Variants in AFF1 observed in about 807,000 individuals in gnomAD.
The protein encoded by AFF1 is ALF transcription elongation factor 1, also known as AF4/FMR2 family member 1.
A neutral mutation model predicts 121.7 loss-of-function variants in AFF1; 48 were observed. That is an observed-to-expected ratio of 0.39 (90% CI 0.31 to 0.50). AFF1 has a LOEUF of 0.50. AFF1 is among the 20% of genes least tolerant of loss of function. The pLI is 0.76. For missense variants in AFF1, 1,523 were observed against 1,511.7 expected, an observed-to-expected ratio of 1.01 and a Z score of -0.12; for synonymous variants, 613 against 563.0, an observed-to-expected ratio of 1.09 and a Z score of -1.26.
intron 12 of AFF1, among the ~76,000 whole-genome samples, chr4:87,116,447 C>T (rs553913040): frequency 1.1e-4 from 16 of 152,232 alleles, no homozygotes; most frequent in African/African-American, 3.6e-4. Context: ...GACAAAGTCA[C>T]AAGAAGGGCC....
intron 13 of AFF1, among the ~76,000 whole-genome samples, chr4:87,125,786 G>A (rs2926512): frequency 0.18 from 27,643 of 152,202 alleles, 2,758 homozygotes; most frequent in Middle Eastern, 0.3. Context: ...GAGGGTGTGT[G>A]TCCACTCGTC....
intron 2 of AFF1, among the ~76,000 whole-genome samples, chr4:86,987,946 CAAAA>C (rs70953634): frequency 8.9e-5 from 12 of 134,866 alleles, no homozygotes; most frequent in Admixed American, 1.5e-4. Context: ...GAGTGAGACT[CAAAA>C]AAAAAAAAAA....
At chr4:86,938,187 C>T (rs933909849) in intron 1 of AFF1, among the ~76,000 whole-genome samples, 8 of 152,068 alleles carry the variant, frequency 5.3e-5, no homozygotes, top group Admixed American at 4.6e-4. Context: ...TGGTGGCTCA[C>T]GCCTGTAATC....
chr4:86,973,454 A>AT (rs1239805208), intron 2 of AFF1, among the ~76,000 whole-genome samples: 1 of 152,112 alleles, frequency 6.6e-6, no homozygotes, highest in East Asian at 1.9e-4. Context: ...TGGTCTCTTA[A>AT]TTTTTTTCCC....
At chr4:86,963,963 G>GTTTT (rs3035477) in intron 2 of AFF1, among the ~76,000 whole-genome samples, 20 of 104,356 alleles carry the variant, frequency 1.9e-4, no homozygotes, top group African/African-American at 6.1e-4. Context: ...GACTAGACTG[G>GTTTT]TTTTTTTTTT....
chr4:87,000,605 C>CTGTGTGTGTGTG (rs57615388), intron 2 of AFF1, among the ~76,000 whole-genome samples: 12,271 of 146,278 alleles, frequency 0.084, 550 homozygotes, highest in Middle Eastern at 0.11. Context: ...AAAATAAACT[C>CTGTGTGTGTGTG]TGTGTGTGTG....
intron 1 of AFF1, among the ~76,000 whole-genome samples, chr4:86,947,962 C>G (rs1488270584): frequency 5.3e-5 from 8 of 152,022 alleles, no homozygotes; most frequent in African/African-American, 1.9e-4. Context: ...ATAGTTGACA[C>G]TCTTACCTTT....
rs1186407164 is a variant in AFF1, at chr4:87,135,913, C to G, written c.*212C>G. ...CAGAAGCAGAGATGAGGAGGCTGGCCCCAGAGATGATCTTGCCCTTCCTAA... is the reference window on the plus strand; with the variant it reads ...CAGAAGCAGAGATGAGGAGGCTGGCGCCAGAGATGATCTTGCCCTTCCTAA... On this transcript the variant is annotated 3_prime_UTR_variant, in exon 21 of 21. Coordinates refer to ENST00000395146, the MANE Select transcript of AFF1 (RefSeq NM_001166693.3). 1 of 707,126 alleles carries G rather than the reference C, an allele frequency of 1.4e-6. No homozygotes were observed. Among genetic ancestry groups the G allele is most frequent in the Non-Finnish European group, 2.0e-6 (1 of 489,562 alleles). 43.8% of individuals were successfully genotyped at this position (707,126 alleles called of 1,614,324 possible). A position where few individuals can be genotyped will look rare whatever the true frequency, so the allele number is the denominator to read the frequency against.
intron 2 of AFF1, among the ~76,000 whole-genome samples, chr4:87,011,406 C>G (rs1232340965): frequency 6.6e-6 from 1 of 152,150 alleles, no homozygotes; most frequent in Non-Finnish European, 1.5e-5. Flanking sequence ...TGGTGGATCT[C>G]TTTGACTCTA....
chr4:87,110,094 G>T (rs1403016430), intron 11 of AFF1, among the ~76,000 whole-genome samples: 1 of 151,992 alleles, frequency 6.6e-6, no homozygotes, highest in South Asian at 2.1e-4. Context: ...ATATTAATGA[G>T]AATTCTTTTT....
Position 86,964,461 on chromosome 4 carries a change from G to A in AFF1, c.38+15890G>A, listed in dbSNP as rs1722391114. Among the ~76,000 whole-genome samples the A allele has an allele frequency of 2.9e-5, 4 of 139,842 alleles. No individual in the cohort carries two copies. In the South Asian group the frequency reaches 8.8e-4, roughly 31 times the overall value. The allele number at this position is 139,842 out of a possible 152,430, so 91.7% of individuals were successfully genotyped here. On this transcript the variant is annotated intron_variant, in intron 2 of 20. Coordinates refer to ENST00000395146, the MANE Select transcript of AFF1 (RefSeq NM_001166693.3). ...TTTTTTTTTTTTTTTTTGAGATGGA[G>A]TTTCACTCTTGTTGCCCAGGCTGGA... is the stretch of plus-strand genomic sequence containing the variant.
chr4:86,985,222 T>TATAAA, intron 2 of AFF1, among the ~76,000 whole-genome samples: 5 of 139,454 alleles, frequency 3.6e-5, no homozygotes, highest in African/African-American at 1.4e-4. Context: ...TATAAAATTA[T>TATAAA]ATTTTAGGCC....
rs772544966 is a variant in AFF1, at chr4:87,131,945, T to G, written c.3173+81T>G. 5.2e-5 allele frequency: 64 copies of G among 1,232,840 alleles called. 2 individuals carry two copies. The Middle Eastern group carries it at 7.4e-3, about 143-fold the overall frequency. 76.4% of individuals were successfully genotyped at this position (1,232,840 alleles called of 1,614,324 possible). A position where few individuals can be genotyped will look rare whatever the true frequency, so the allele number is the denominator to read the frequency against. On this transcript the variant is annotated intron_variant, in intron 18 of 20. Coordinates refer to ENST00000395146, the MANE Select transcript of AFF1 (RefSeq NM_001166693.3). ...TTACAAAAAGATTCTGAAATTTGTT[T>G]TCTTAATGTGAAAATTATGAAAAGC...
intron 2 of AFF1, among the ~76,000 whole-genome samples, chr4:86,965,545 T>C (rs1032045888): frequency 7.2e-5 from 11 of 152,238 alleles, no homozygotes; most frequent in African/African-American, 2.7e-4. Flanking sequence ...TAGGAAAGCA[T>C]TGTAGCCAAA....
At position 87,140,645 on chromosome 4, in the gene AFF1, C is replaced by T. The variant is rs1295467724; in HGVS notation, c.*4944C>T. The T allele has an allele frequency of 1.1e-5, 2 of 189,430 alleles. No individual in the cohort carries two copies. The highest frequency in any genetic ancestry group is 2.2e-5 in the Non-Finnish European group (2 of 89,952). The allele number at this position is 189,430 out of a possible 1,614,324, so 11.7% of individuals were successfully genotyped here. ...TCTTTAATTACTGTGGAATAACGTG[C>T]CAGCTATCATCAACACAATGATTTT... On this transcript the variant is annotated 3_prime_UTR_variant, in exon 21 of 21. Transcript: ENST00000395146.
chr4:87,064,621 A>G lies in AFF1; in HGVS notation c.1059+17027A>G, dbSNP rs527595231. On this transcript the variant is annotated intron_variant, in intron 4 of 20. Coordinates refer to ENST00000395146, the MANE Select transcript of AFF1 (RefSeq NM_001166693.3). ...CGGCTGGGCACGGTGGCTCATGTCT[A>G]TAATCTCAGCACTTTGGGAGGCTGA... Among the ~76,000 whole-genome samples, 4 of 152,126 alleles carry G rather than the reference A, an allele frequency of 2.6e-5. No homozygotes were observed. In the South Asian group the frequency reaches 8.3e-4, roughly 32 times the overall value.
At chr4:87,035,562 A>AC (rs1729482998) in intron 2 of AFF1, among the ~76,000 whole-genome samples, 1 of 104,276 alleles carries the variant, frequency 9.6e-6, no homozygotes, top group Non-Finnish European at 2.3e-5. Context: ...CTCCGTCCCA[A>AC]GGAAAAAAAA....
intron 19 of AFF1, among the ~76,000 whole-genome samples, chr4:87,134,207 A>G (rs556064310): frequency 1.2e-4 from 18 of 152,340 alleles, no homozygotes; most frequent in African/African-American, 3.8e-4. Context: ...CATACATTAC[A>G]TACATAGAGT....
chr4:87,006,385 A>G (rs1427981082), intron 2 of AFF1, among the ~76,000 whole-genome samples: 2 of 152,196 alleles, frequency 1.3e-5, no homozygotes, highest in Admixed American at 6.5e-5. Context: ...TGTGCTTCGT[A>G]TAGGACTTAC....
Sources: gnomAD v4.1 joint callset for allele counts (sites outside exome capture counted in the v4.1 genomes callset) on GRCh38, gnomAD v4.1.1 for gene constraint, MANE v1.5 for transcripts, NCBI Gene and HGNC (gene_info 2026-07-23, HGNC 2026-07-21) for gene names.